PARP12: variants seen among roughly 807,000 people sequenced by gnomAD.
The protein encoded by PARP12 is poly(ADP-ribose) polymerase family member 12.
A neutral mutation model predicts 72.4 loss-of-function variants in PARP12; 59 were observed. The ratio of observed to expected loss-of-function variants is 0.81; its 90% CI spans 0.66 to 1.01. The LOEUF is 1.01. Among genes scored for constraint, PARP12 ranks in the 50% least tolerant of loss-of-function variants. PARP12 has a pLI of 0.00. For synonymous variants in PARP12, 403 were observed against 371.4 expected (o/e 1.09, Z -0.98); for missense variants, 851 against 914.0 (o/e 0.93, Z 0.89).
At chr7:140,055,372 T>A (rs549458831) in intron 3 of PARP12, among the ~76,000 whole-genome samples, 233 of 152,354 alleles carry the variant, frequency 1.5e-3, no homozygotes, top group African/African-American at 5.3e-3. Flanking sequence ...AGGTTAATTA[T>A]CAGGATCTTA....
chr7:140,033,555 G>A (rs1816029280), intron 8 of PARP12: 1 of 985,392 alleles, frequency 1.0e-6, no homozygotes, highest in East Asian at 1.1e-4. Flanking sequence ...GTGTGGTTTG[G>A]AGAACACTGA....
rs1465770242 is a variant in PARP12 at position 140,062,698 on chromosome 7, C to A, written c.150G>T (p.Val50=). ...ERLLRQRGRF[V]VAVRAGGAAA... ...CTGCGCCGCCCGCCCGCACCGCCAC[C>A]ACGAAGCGCCCACGCTGCCGCAGCA... is the stretch of plus-strand genomic sequence containing the variant. Residue 50 remains valine, a synonymous_variant, in exon 1 of 12, where the codon GTG becomes GTT. Coordinates refer to ENST00000263549, the MANE Select transcript of PARP12 (RefSeq NM_022750.4). 7.6e-7 allele frequency: 1 copy of A among 1,315,032 alleles called. No individual in the cohort carries two copies. Among genetic ancestry groups the A allele is most frequent in the Non-Finnish European group, 9.7e-7 (1 of 1,028,284 alleles). The allele number at this position is 1,315,032 out of a possible 1,614,324, so 81.5% of individuals were successfully genotyped here.
chr7:140,024,837 G>T lies in PARP12; in HGVS notation c.1829C>A (p.Ser610Tyr). The T allele has an allele frequency of 6.2e-7, 1 of 1,614,104 alleles. No homozygotes were observed. Among genetic ancestry groups the T allele is most frequent in the Non-Finnish European group, 8.5e-7 (1 of 1,179,944 alleles). The change falls in exon 12 of 12, where the codon TCC (serine) becomes TAC (tyrosine). Residue 610 changes from serine to tyrosine, a missense_variant. Physicochemically the swap from Ser to Tyr is moderately radical, Grantham distance 144. Around this residue, in one of 3 missense-constraint regions of PARP12, gnomAD observed 347 missense variants for 396.1 expected, o/e 0.88. Transcript: ENST00000263549. ...DAAYSHHYSKSDTQTHTMFLA... is the reference protein window; with the variant it reads ...DAAYSHHYSKYDTQTHTMFLA... ...GAACATCGTGTGGGTCTGCGTGTCG[G>T]ATTTGCTGTAGTGGTGGGAATATGC...
At chr7:140,057,630 G>A (rs1181371394) in intron 2 of PARP12, 3 of 467,790 alleles carry the variant, frequency 6.4e-6, no homozygotes, top group African/African-American at 2.0e-5. Context: ...TCTCAATGGA[G>A]CACACTGAGA....
At chr7:140,026,056 A>T in intron 11 of PARP12, 141 bp downstream of exon 11, 1 of 1,248,506 alleles carries the variant, frequency 8.0e-7, no homozygotes, top group Non-Finnish European at 1.1e-6. Flanking sequence ...TGTGACTGGT[A>T]GCTGTGCCCA....
chr7:140,034,839 C>T (rs1816086042), intron 7 of PARP12: 1 of 153,774 alleles, frequency 6.5e-6, no homozygotes. Context: ...CATACTCATC[C>T]TGAGGATTTG....
intron 4 of PARP12, among the ~76,000 whole-genome samples, chr7:140,051,544 C>T (rs1816961616): frequency 2.0e-5 from 3 of 152,122 alleles, no homozygotes; most frequent in African/African-American, 4.8e-5. Context: ...GTATGTGCCA[C>T]CACACCCAGC....
Position 140,031,730 on chromosome 7 carries a change from A to C in PARP12, c.1421+2505T>G, listed in dbSNP as rs145902660. Among the ~76,000 whole-genome samples, 13 of 152,242 alleles carry C rather than the reference A, an allele frequency of 8.5e-5. No individual in the cohort carries two copies. In the East Asian group the frequency reaches 2.5e-3, roughly 29 times the overall value. On this transcript the variant is annotated intron_variant, in intron 8 of 11. Coordinates refer to ENST00000263549, the MANE Select transcript of PARP12 (RefSeq NM_022750.4). The stretch of plus-strand genomic sequence containing the variant: ...CTTCTTGTGGCCCCCTAAAAACTAA[A>C]TTAGAATAAGAGAGATCTACTCTCA...
At chr7:140,049,437 AC>A (rs1202123636) in intron 4 of PARP12, among the ~76,000 whole-genome samples, 1 of 152,200 alleles carries the variant, frequency 6.6e-6, no homozygotes, top group African/African-American at 2.4e-5. Context: ...GTCACAACCA[AC>A]CAGTTCCTGT....
At chr7:140,056,298 A>C (rs184284653) in intron 3 of PARP12, among the ~76,000 whole-genome samples, 116 of 152,264 alleles carry the variant, frequency 7.6e-4, no homozygotes, top group Non-Finnish European at 1.3e-3. Flanking sequence ...CAGAGTACCT[A>C]CTGTGGGCCA....
intron 10 of PARP12, 143 bp from the exon 11 acceptor site, chr7:140,026,491 G>C (rs1422288639): frequency 2.2e-5 from 22 of 984,418 alleles, no homozygotes; most frequent in Non-Finnish European, 1.5e-5. Context: ...ACCCTGACTA[G>C]GCCTGTAAGC....
At chr7:140,035,953 C>CAAG (rs1569526876) in intron 7 of PARP12, among the ~76,000 whole-genome samples, 961 of 20,952 alleles carry the variant, frequency 0.046, 174 homozygotes, top group East Asian at 0.17. Flanking sequence ...AGGAGGAGGA[C>CAAG]GAGGAGGAGG....
At chr7:140,062,410 C>T in intron 1 of PARP12, 112 bp downstream of exon 1, 1 of 1,122,392 alleles carries the variant, frequency 8.9e-7, no homozygotes, top group South Asian at 1.5e-5. Flanking sequence ...GAGGTCAGGG[C>T]AGAGCCACCG....
At chr7:140,055,996 G>A (rs1191703260) in intron 3 of PARP12, among the ~76,000 whole-genome samples, 8 of 152,188 alleles carry the variant, frequency 5.3e-5, no homozygotes, top group Admixed American at 2.0e-4. Flanking sequence ...TCTCAGCTTC[G>A]CCAAGGAATA....
At chr7:140,053,719 C>T (rs1817062675) in intron 4 of PARP12, among the ~76,000 whole-genome samples, 1 of 152,044 alleles carries the variant, frequency 6.6e-6, no homozygotes, top group African/African-American at 2.4e-5. Context: ...TACTTCAATG[C>T]TCAATGGAAC....
chr7:140,031,695 C>A (rs1208293299), intron 8 of PARP12, among the ~76,000 whole-genome samples: 1 of 152,204 alleles, frequency 6.6e-6, no homozygotes, highest in East Asian at 1.9e-4. Flanking sequence ...TTAGTTTGGA[C>A]ATTTGGCATC....
chr7:140,032,557 CAACACA>C (rs1437121623), intron 8 of PARP12, among the ~76,000 whole-genome samples: 1 of 151,940 alleles, frequency 6.6e-6, no homozygotes. Context: ...AGACTGAAAA[CAACACA>C]AACATCCATG....
intron 1 of PARP12, among the ~76,000 whole-genome samples, chr7:140,062,161 G>A (rs1817481773): frequency 6.6e-6 from 1 of 152,108 alleles, no homozygotes; most frequent in Non-Finnish European, 1.5e-5. Flanking sequence ...TTCATTGTCT[G>A]GCCTCAAAGC....
chr7:140,059,117 A>G (rs576755243), intron 1 of PARP12, among the ~76,000 whole-genome samples: 2 of 152,136 alleles, frequency 1.3e-5, no homozygotes, highest in Admixed American at 6.5e-5. Context: ...AAAGAAAGAA[A>G]AAAAGAAAAA....
Sources: gnomAD v4.1 joint callset for allele counts (sites outside exome capture counted in the v4.1 genomes callset) on GRCh38, gnomAD v4.1.1 for gene constraint, gnomAD v4.1.1 regional missense constraint, MANE v1.5 for transcripts, NCBI Gene and HGNC (gene_info 2026-07-23, HGNC 2026-07-21) for gene names.